The following CFAP161 variants were observed in gnomAD, a reference collection of about 807,000 sequenced individuals.
CFAP161 encodes the protein cilia- and flagella-associated protein 161.
In CFAP161, 25 loss-of-function variants were observed where a neutral mutation model predicts 29.0. The observed-to-expected ratio is 0.86, with a 90% CI of 0.63 to 1.20. CFAP161 has a LOEUF of 1.20. CFAP161 is among the 50% of genes most tolerant of loss of function. The probability of loss-of-function intolerance (pLI) is 0.00; values close to 1 mark genes in which losing one functional copy is unlikely to be tolerated. For synonymous variants in CFAP161, 116 were observed against 137.4 expected (o/e 0.84, Z 1.09); for missense variants, 367 against 371.9 (o/e 0.99, Z 0.11).
At chr15:81,137,963 A>G in intron 3 of CFAP161, 88 bp from the exon 4 acceptor site, 1 of 962,446 alleles carries the variant, frequency 1.0e-6, no homozygotes, top group Non-Finnish European at 1.6e-6. Context: ...CTGATTATAA[A>G]CAAAATTGCA....
Position 81,143,642 on chromosome 15 carries a change from C to T in CFAP161, c.478-20C>T. ...TTCACAGAGCTCTGACTTAGTGCAT[C>T]TGCTTGCTGTCATTTTCAGTTGTAT... is the stretch of plus-strand genomic sequence containing the variant. On this transcript the variant is annotated intron_variant, in intron 4 of 6. Coordinates refer to ENST00000286732, the MANE Select transcript of CFAP161 (RefSeq NM_173528.4). The T allele has an allele frequency of 6.2e-7, 1 of 1,603,548 alleles. No homozygotes were observed. The highest frequency in any genetic ancestry group is 8.5e-7 in the Non-Finnish European group (1 of 1,172,130).
At chr15:81,114,545 CAG>C (rs1199153608) in intron 1 of CFAP161, among the ~76,000 whole-genome samples, 1 of 152,146 alleles carries the variant, frequency 6.6e-6, no homozygotes, top group Admixed American at 6.5e-5. Flanking sequence ...TCTAAACAAA[CAG>C]AGAGAGGCTC....
At chr15:81,105,230 C>G (rs185278573) in intron 1 of CFAP161, among the ~76,000 whole-genome samples, 2,996 of 72,146 alleles carry the variant, frequency 0.042, 228 homozygotes, top group African/African-American at 0.13. Context: ...ACCCTCCCCC[C>G]TCTTTCTTTC....
At chr15:81,124,885 C>G (rs1057297053) in intron 1 of CFAP161, among the ~76,000 whole-genome samples, 1 of 151,890 alleles carries the variant, frequency 6.6e-6, no homozygotes, top group African/African-American at 2.4e-5. Flanking sequence ...TTGTGCATAA[C>G]ATAATTTTTA....
At chr15:81,127,371 G>T (rs1273711315) in intron 1 of CFAP161, among the ~76,000 whole-genome samples, 1 of 152,140 alleles carries the variant, frequency 6.6e-6, no homozygotes, top group Non-Finnish European at 1.5e-5. Flanking sequence ...TAACCTAGGT[G>T]TGCAGATCAC....
At chr15:81,139,806 G>A (rs1894875536) in intron 4 of CFAP161, among the ~76,000 whole-genome samples, 1 of 152,136 alleles carries the variant, frequency 6.6e-6, no homozygotes, top group Admixed American at 6.5e-5. Flanking sequence ...ACATTTAAAA[G>A]TATTGATACA....
At chr15:81,111,641 A>C (rs1439249200) in intron 1 of CFAP161, among the ~76,000 whole-genome samples, 1 of 152,170 alleles carries the variant, frequency 6.6e-6, no homozygotes, top group African/African-American at 2.4e-5. Context: ...TCGATGCTGA[A>C]GGTACTTTCC....
At chr15:81,132,512 A>G (rs529425308), upstream of CFAP161, among the ~76,000 whole-genome samples, 5 of 152,330 alleles carry the variant, frequency 3.3e-5, no homozygotes, top group Admixed American at 1.3e-4. Context: ...GAAAAATACC[A>G]TAGAGCACCA....
intron 5 of CFAP161, among the ~76,000 whole-genome samples, 196 bp from the exon 6 acceptor site, chr15:81,147,662 C>T (rs139654134): frequency 2.6e-5 from 4 of 152,146 alleles, no homozygotes; most frequent in Admixed American, 6.5e-5. Flanking sequence ...TAGGGTCTTA[C>T]GGTCGCATAG....
At chr15:81,110,002 C>T (rs1894421100) in intron 1 of CFAP161, among the ~76,000 whole-genome samples, 1 of 152,058 alleles carries the variant, frequency 6.6e-6, no homozygotes, top group African/African-American at 2.4e-5. Flanking sequence ...GATGTTTGTT[C>T]TTGGTCCAAT....
intron 1 of CFAP161, among the ~76,000 whole-genome samples, chr15:81,124,037 T>C (rs569186912): frequency 6.6e-6 from 1 of 152,328 alleles, no homozygotes; most frequent in East Asian, 1.9e-4. Context: ...TGTTTCTTTC[T>C]CTTGCCTGAT....
intron 1 of CFAP161, among the ~76,000 whole-genome samples, chr15:81,123,508 C>T (rs1265372614): frequency 6.6e-6 from 1 of 152,116 alleles, no homozygotes; most frequent in Non-Finnish European, 1.5e-5. Context: ...CTAGGATTGC[C>T]TTGGCTATTT....
upstream of CFAP161, among the ~76,000 whole-genome samples, chr15:81,130,306 CCTTTGCATTCACAA>C (rs1894694090): frequency 6.6e-6 from 1 of 152,204 alleles, no homozygotes; most frequent in South Asian, 2.1e-4. Context: ...AAGAACTTCT[CCTTTGCATTCACAA>C]CTTAGCTAAC....
At chr15:81,119,694 A>G (rs1249883040) in intron 1 of CFAP161, among the ~76,000 whole-genome samples, 4 of 152,104 alleles carry the variant, frequency 2.6e-5, no homozygotes, top group African/African-American at 9.7e-5. Context: ...TTTTAGGTCA[A>G]AAAGAGATAA....
In CFAP161 at chr15:81,109,311, C is replaced by A. The variant is rs148327746; in HGVS notation, c.-141-18279C>A. 9.3e-3 allele frequency among the ~76,000 whole-genome samples: 1,415 copies of A among 152,296 alleles called. 19 individuals carry two copies. The highest frequency in any genetic ancestry group is 0.01 in the Non-Finnish European group (710 of 68,020). ...TTTGATTGTGCTTTGTCTTCAGGAT[C>A]ATACTGGCAAAGCCATATTTCATCT... On this transcript the variant is annotated intron_variant, in intron 1 of 4. Transcript: ENST00000560091.
upstream of CFAP161, among the ~76,000 whole-genome samples, chr15:81,130,038 C>T (rs1199320486): frequency 2.0e-5 from 3 of 151,588 alleles, no homozygotes; most frequent in African/African-American, 7.3e-5. Context: ...TAACTTGGTG[C>T]AGCCTTTACA....
upstream of CFAP161, among the ~76,000 whole-genome samples, chr15:81,133,569 C>T (rs1234486121): frequency 1.3e-5 from 2 of 152,082 alleles, no homozygotes; most frequent in Non-Finnish European, 2.9e-5. Context: ...ACTGGTATCC[C>T]TCCCCTCCCC....
chr15:81,144,082 G>GTT (rs991418401), intron 5 of CFAP161, among the ~76,000 whole-genome samples: 30 of 151,590 alleles, frequency 2.0e-4, no homozygotes, highest in African/African-American at 6.8e-4. Flanking sequence ...TTTTCCGTTT[G>GTT]TAACACAAGT....
intron 5 of CFAP161, among the ~76,000 whole-genome samples, chr15:81,145,283 C>T (rs1894988320): frequency 6.6e-6 from 1 of 152,186 alleles, no homozygotes; most frequent in Non-Finnish European, 1.5e-5. Flanking sequence ...ACAAATTATT[C>T]TCTTTAGATG....
Sources: gnomAD v4.1 joint callset for allele counts (sites outside exome capture counted in the v4.1 genomes callset) on GRCh38, gnomAD v4.1.1 for gene constraint, MANE v1.5 for transcripts, NCBI Gene and HGNC (gene_info 2026-07-23, HGNC 2026-07-21) for gene names.